The following ATXN2 variants were observed in gnomAD, a reference collection of about 807,000 sequenced individuals.
The protein encoded by ATXN2 is ataxin-2.
A neutral mutation model predicts 138.6 loss-of-function variants in ATXN2; 37 were observed. The observed-to-expected ratio is 0.27, with a 90% CI of 0.21 to 0.35. The LOEUF is 0.35. ATXN2 is among the 10% of genes least tolerant of loss of function. The pLI, the probability that ATXN2 is intolerant of heterozygous loss-of-function variation, is 1.00. For synonymous variants in ATXN2, 549 were observed against 543.7 expected (o/e 1.01, Z -0.13); for missense variants, 1,216 against 1,480.3 (o/e 0.82, Z 2.93).
chr12:111,567,154 C>T (rs917021703), intron 1 of ATXN2, among the ~76,000 whole-genome samples: 1 of 152,144 alleles, frequency 6.6e-6, no homozygotes, highest in African/African-American at 2.4e-5. Context: ...ATGGAATCTA[C>T]ACCTGGTGAA....
chr12:111,473,289 A>C (rs2135678229), intron 18 of ATXN2, among the ~76,000 whole-genome samples: 1 of 152,048 alleles, frequency 6.6e-6, no homozygotes, highest in African/African-American at 2.4e-5. Context: ...AATTAAAAAA[A>C]AAAAAAAAAT....
At chr12:111,535,311 G>T (rs1881084703) in intron 5 of ATXN2, among the ~76,000 whole-genome samples, 1 of 152,218 alleles carries the variant, frequency 6.6e-6, no homozygotes, top group African/African-American at 2.4e-5. Flanking sequence ...CTTCACGTTG[G>T]GATTAAATCC....
At chr12:111,578,844 C>T (rs1883827012) in intron 1 of ATXN2, among the ~76,000 whole-genome samples, 1 of 151,996 alleles carries the variant, frequency 6.6e-6, no homozygotes, top group African/African-American at 2.4e-5. Context: ...AGTTCAACAC[C>T]ACCCAGGGCA....
At chr12:111,510,894 T>C (rs374395668) in intron 11 of ATXN2, 1 of 180,756 alleles carries the variant, frequency 5.5e-6, no homozygotes, top group Admixed American at 5.9e-5. Flanking sequence ...AACCAGCTAA[T>C]TTTTTTGTAT....
intron 10 of ATXN2, among the ~76,000 whole-genome samples, chr12:111,515,487 T>C (rs1261532938): frequency 6.6e-6 from 1 of 152,228 alleles, no homozygotes; most frequent in Admixed American, 6.5e-5. Flanking sequence ...TATTCTTATT[T>C]TTGACGAGGA....
At chr12:111,578,016 T>C (rs1013611998) in intron 1 of ATXN2, among the ~76,000 whole-genome samples, 1 of 54,096 alleles carries the variant, frequency 1.8e-5, no homozygotes, top group African/African-American at 6.5e-5. Flanking sequence ...GCCAACATGG[T>C]GAAACCCCCG....
Position 111,520,948 on chromosome 12 carries a change from A to G in ATXN2, c.722T>C (p.Met241Thr), listed in dbSNP as rs1303387434. Reference sequence around the variant, plus strand: ...ATAATTTTCTTCATTATATCGAAACATATCATTGGGATCCCATCCATTAGA... The same window carrying G: ...ATAATTTTCTTCATTATATCGAAACGTATCATTGGGATCCCATCCATTAGA... ...DVSNGWDPND[M>T]FRYNEENYGV... The change falls in exon 7 of 25, where the codon ATG (methionine) becomes ACG (threonine). Residue 241 changes from methionine to threonine, a missense_variant. Physicochemically the swap from Met to Thr is moderately conservative, Grantham distance 81. This residue lies in a region of ATXN2 where 401 missense variants were observed against 528.1 expected (regional missense o/e 0.76). Transcript: ENST00000673436. 6.3e-7 allele frequency: 1 copy of G among 1,595,106 alleles called. No individual in the cohort carries two copies. The highest frequency in any genetic ancestry group is 8.6e-7 in the Non-Finnish European group (1 of 1,166,980).
At chr12:111,455,963 G>C (rs774362407) in intron 23 of ATXN2, 66 bp downstream of exon 23, 1 of 1,474,400 alleles carries the variant, frequency 6.8e-7, no homozygotes, top group South Asian at 1.1e-5. Context: ...AGAGCCTCTA[G>C]CTGCTTACTG....
chr12:111,570,534 C>T (rs1378944236), intron 1 of ATXN2, among the ~76,000 whole-genome samples: 1 of 152,192 alleles, frequency 6.6e-6, no homozygotes, highest in African/African-American at 2.4e-5. Context: ...TCTTCTATCA[C>T]ACTGTGAACC....
At chr12:111,534,811 GA>G (rs1448494896) in intron 5 of ATXN2, among the ~76,000 whole-genome samples, 1 of 151,870 alleles carries the variant, frequency 6.6e-6, no homozygotes, top group Non-Finnish European at 1.5e-5. Context: ...TCATCAGAGG[GA>G]AAAAAACTGA....
At chr12:111,456,424 G>A (rs1875105167) in intron 22 of ATXN2, among the ~76,000 whole-genome samples, 168 bp from the exon 23 acceptor site, 1 of 120,794 alleles carries the variant, frequency 8.3e-6, no homozygotes, top group Non-Finnish European at 1.5e-5. Flanking sequence ...CCTCCCATCT[G>A]GACAACTCCT....
chr12:111,599,337 G>C (rs924331402), upstream of ATXN2: 2 of 1,142,062 alleles, frequency 1.8e-6, no homozygotes, highest in South Asian at 4.2e-5. Flanking sequence ...GGGGGGCCGG[G>C]GCCGGGCGGG....
intron 7 of ATXN2, 133 bp from the exon 8 acceptor site, chr12:111,520,209 C>G: frequency 8.4e-7 from 1 of 1,196,454 alleles, no homozygotes. Context: ...AAAACTAAAA[C>G]TAAAAGTTAT....
At chr12:111,553,075 T>C in intron 3 of ATXN2, 98 bp from the exon 4 acceptor site, 1 of 687,958 alleles carries the variant, frequency 1.5e-6, no homozygotes, top group African/African-American at 1.9e-5. Context: ...TCAGGCTTCA[T>C]TCAATATTAG....
At chr12:111,496,271 C>T (rs762174146) in intron 14 of ATXN2, among the ~76,000 whole-genome samples, 4 of 152,046 alleles carry the variant, frequency 2.6e-5, no homozygotes, top group African/African-American at 4.8e-5. Context: ...GTGGCTCATG[C>T]CTGTAATTCC....
At chr12:111,563,444 CTTATT>C (rs1271326783) in intron 1 of ATXN2, among the ~76,000 whole-genome samples, 2 of 151,990 alleles carry the variant, frequency 1.3e-5, no homozygotes, top group African/African-American at 2.4e-5. Context: ...TATTAATTTC[CTTATT>C]TTGACAACTG....
intron 15 of ATXN2, among the ~76,000 whole-genome samples, chr12:111,488,030 A>G (rs1358522532): frequency 6.6e-6 from 1 of 152,182 alleles, no homozygotes; most frequent in Non-Finnish European, 1.5e-5. Context: ...TAACAAATCT[A>G]AACATTAACT....
At position 111,598,960 on chromosome 12, in the gene ATXN2, C is replaced by A; in HGVS notation, c.75G>T (p.Gln25His). 6.7e-7 allele frequency: 1 copy of A among 1,500,510 alleles called. No homozygotes were observed. Among genetic ancestry groups the A allele is most frequent in the South Asian group, 1.2e-5 (1 of 80,724 alleles). The allele number at this position is 1,500,510 out of a possible 1,614,324, so 92.9% of individuals were successfully genotyped here. Residue 25 changes from glutamine to histidine, a missense_variant, in exon 1 of 25, where the codon CAG becomes CAT. Transcript: ENST00000673436. The surrounding 1 kb of genome is among the most constrained non-coding windows in gnomAD (Gnocchi z 4.5). The stretch of plus-strand genomic sequence containing the variant: ...CAGCCGCGGGCGGCGGCTGCTGCTG[C>A]TGCTGCTGCTGCTGCTGTTGCTGCT... ...QQQQQQQQQQ[Q>H]QQQPPPAAAN... is the part of the protein sequence containing the mutation.
chr12:111,584,736 CA>C (rs1456258005), intron 1 of ATXN2, among the ~76,000 whole-genome samples: 2 of 151,936 alleles, frequency 1.3e-5, no homozygotes, highest in African/African-American at 4.8e-5. Context: ...GAGGCCGAGG[CA>C]AGTGGATCAC....
Sources: allele counts gnomAD v4.1 joint callset (sites outside exome capture counted in the v4.1 genomes callset), GRCh38; gene constraint gnomAD v4.1.1; regional missense constraint gnomAD v4.1.1; non-coding constraint Gnocchi (gnomAD v3.1); transcripts MANE v1.5; gene names NCBI Gene and HGNC (gene_info 2026-07-23, HGNC 2026-07-21).